HCN4: variants seen among roughly 807,000 people sequenced by gnomAD.
HCN4 encodes hyperpolarization activated cyclic nucleotide gated potassium channel 4, also known as potassium/sodium hyperpolarization-activated cyclic nucleotide-gated channel 4.
HCN4 carries 29 observed loss-of-function variants against 76.9 expected under a neutral mutation model. That is an observed-to-expected ratio of 0.38 (90% CI 0.28 to 0.51). The LOEUF (loss-of-function observed/expected upper bound fraction) is 0.51, where lower values mean the gene tolerates loss of function less well. HCN4 is among the 20% of genes least tolerant of loss of function. The pLI, the probability that HCN4 is intolerant of heterozygous loss-of-function variation, is 0.90. For missense variants in HCN4, 1,416 were observed against 1,715.2 expected, an observed-to-expected ratio of 0.83 and a Z score of 3.08; for synonymous variants, 772 against 762.5, an observed-to-expected ratio of 1.01 and a Z score of -0.21.
chr15:73,360,678 G>A (rs1313527021), intron 1 of HCN4, among the ~76,000 whole-genome samples: 1 of 152,148 alleles, frequency 6.6e-6, no homozygotes, highest in African/African-American at 2.4e-5. Context: ...GTAAGTTGGG[G>A]ATATAAAACT....
In HCN4 at chr15:73,322,831, C is replaced by A; in HGVS notation, c.3262G>T (p.Ala1088Ser). Reference protein sequence around the residue: ...RLTQDLKLISASQPALPQDGA... With the variant: ...RLTQDLKLISSSQPALPQDGA... ...TCCTGAGGCAGGGCTGGCTGAGACG[C>A]GGAGATGAGCTTGAGGTCCTGGGTG... The change falls in exon 8 of 8, where the codon GCG becomes TCG. Residue 1088 changes from alanine to serine, a missense_variant. By Grantham distance (99) the Ala-to-Ser change is moderately conservative. Around this residue, in one of 6 missense-constraint regions of HCN4, gnomAD observed 633 missense variants for 579.8 expected, o/e 1.09. Coordinates refer to ENST00000261917, the MANE Select transcript of HCN4 (RefSeq NM_005477.3). The A allele has an allele frequency of 1.3e-6, 2 of 1,522,264 alleles. No homozygotes were observed. The highest frequency in any genetic ancestry group is 1.4e-5 in the African/African-American group (1 of 73,160). The allele number at this position is 1,522,264 out of a possible 1,614,324, so 94.3% of individuals were successfully genotyped here. A position where few individuals can be genotyped will look rare whatever the true frequency, so the allele number is the denominator to read the frequency against.
At chr15:73,356,189 C>T (rs1473445170) in intron 1 of HCN4, among the ~76,000 whole-genome samples, 2 of 135,268 alleles carry the variant, frequency 1.5e-5, no homozygotes, top group African/African-American at 5.5e-5. Flanking sequence ...TTGTTTTTTG[C>T]TTTTTTTTTT....
chr15:73,367,837 G>A lies in HCN4; in HGVS notation c.434C>T (p.Pro145Leu), dbSNP rs768272301. The change falls in exon 1 of 8, where the codon CCC (proline) becomes CTC (leucine). Residue 145 changes from proline (P) to leucine (L), a missense_variant. Around this residue, in one of 6 missense-constraint regions of HCN4, gnomAD observed 355 missense variants for 347.8 expected, o/e 1.02. Transcript: ENST00000261917. This position sits in a 1 kb window ranked among gnomAD's most constrained non-coding sequence, Gnocchi z 7.5. ...CTCGGGCTCGGCCGCCAGGCCTGGG[G>A]GCGTCCTGTCCTCGCCGGGGGACGC... ...GDASPGEDRT[P>L]PGLAAEPERP... The A allele has an allele frequency of 4.0e-5, 50 of 1,260,142 alleles. No individual in the cohort carries two copies. Among genetic ancestry groups the A allele is most frequent in the Admixed American group, 1.2e-4 (3 of 24,738 alleles). 78.1% of individuals were successfully genotyped at this position (1,260,142 alleles called of 1,614,324 possible).
At position 73,323,484 on chromosome 15, in the gene HCN4, C is replaced by T. The variant is rs761259118; in HGVS notation, c.2609G>A (p.Gly870Glu). 1 of 1,604,544 alleles carries T rather than the reference C, an allele frequency of 6.2e-7. No homozygotes were observed. The highest frequency in any genetic ancestry group is 8.5e-7 in the Non-Finnish European group (1 of 1,179,740). The change falls in exon 8 of 8, where the codon GGA becomes GAA. Residue 870 changes from glycine to glutamate, a missense_variant. By Grantham distance (98) the Gly-to-Glu change is moderately conservative. Around this residue, in one of 6 missense-constraint regions of HCN4, gnomAD observed 633 missense variants for 579.8 expected, o/e 1.09. Transcript: ENST00000261917. Reference sequence around the variant, plus strand: ...GGATGAGGGCAGGAGTGGGCTCAGTCCAGCGGGGGCAGAGAATCCAGCCAG... The same window carrying T: ...GGATGAGGGCAGGAGTGGGCTCAGTTCAGCGGGGGCAGAGAATCCAGCCAG... ...QQLAGFSAPA[G>E]LSPLLPSSSS...
Position 73,322,006 on chromosome 15 carries a change from C to T in HCN4, c.*475G>A. On this transcript the variant is annotated 3_prime_UTR_variant, in exon 8 of 8. Transcript: ENST00000261917. ...AGGCCCTCAGGGCCCTGGCCCTTTT[C>T]TCCCAAGGTCGCAGGCTTCTGAGGC... 1 of 190,346 alleles carries T rather than the reference C, an allele frequency of 5.3e-6. No individual in the cohort carries two copies. Among genetic ancestry groups the T allele is most frequent in the East Asian group, 1.4e-4 (1 of 7,364 alleles). 11.8% of individuals were successfully genotyped at this position (190,346 alleles called of 1,614,324 possible).
In HCN4 at chr15:73,363,367, T is replaced by A. The variant is rs143672947; in HGVS notation, c.785+4119A>T. 2.1e-3 allele frequency among the ~76,000 whole-genome samples: 319 copies of A among 152,254 alleles called. 4 individuals are homozygous for A. In the East Asian group the frequency reaches 0.048, roughly 23 times the overall value. Reference sequence around the variant, plus strand: ...CCCAAGGGAGAACCCCTTTCCCCCCTCAGGCATCTAACTCTGAGCCCTGTT... The same window carrying A: ...CCCAAGGGAGAACCCCTTTCCCCCCACAGGCATCTAACTCTGAGCCCTGTT... On this transcript the variant is annotated intron_variant, in intron 1 of 7. Coordinates refer to ENST00000261917, the MANE Select transcript of HCN4 (RefSeq NM_005477.3).
At chr15:73,324,001 A>G in intron 7 of HCN4, 52 bp from the exon 8 acceptor site, 1 of 1,611,660 alleles carries the variant, frequency 6.2e-7, no homozygotes, top group Non-Finnish European at 8.5e-7. Flanking sequence ...GAAGGAGATC[A>G]GGTGCAGACC....
rs146751122 is a variant in HCN4, at chr15:73,322,497, A to T, written c.3596T>A (p.Leu1199Gln). The change falls in exon 8 of 8, where the codon CTG becomes CAG. Residue 1199 changes from leucine (L) to glutamine (Q), a missense_variant. This residue lies in a region of HCN4 where 633 missense variants were observed against 579.8 expected (regional missense o/e 1.09). Transcript: ENST00000261917. ...GGGCCCAGCTCATAGATTGGATGGC[A>T]GTTTGGAGCGCACTGGCTCAGGCCT... ...GARPEPVRSK[L>Q]PSNL is the part of the protein sequence containing the mutation. The T allele has an allele frequency of 3.8e-6, 6 of 1,597,138 alleles. No individual in the cohort carries two copies. The African/African-American group carries it at 8.0e-5, about 21-fold the overall frequency.
In HCN4 at chr15:73,322,472, G is replaced by A. The variant is rs1234154698; in HGVS notation, c.*9C>T. ...AAAAGAAGAAAGAAGAGGGAAGGAA[G>A]GGCCCAGCTCATAGATTGGATGGCA... On this transcript the variant is annotated 3_prime_UTR_variant, in exon 8 of 8. Transcript: ENST00000261917. The A allele has an allele frequency of 6.4e-7, 1 of 1,574,162 alleles. No individual in the cohort carries two copies.
chr15:73,336,358 G>A (rs529827026), intron 2 of HCN4, among the ~76,000 whole-genome samples: 40 of 152,224 alleles, frequency 2.6e-4, no homozygotes, highest in South Asian at 6.2e-4. Context: ...CTGTGTTGCC[G>A]CCATCACAAG....
rs1271486482 is a variant in HCN4, at chr15:73,343,128, C to T, written c.1209+257G>A. On this transcript the variant is annotated intron_variant, in intron 2 of 7. Coordinates refer to ENST00000261917, the MANE Select transcript of HCN4 (RefSeq NM_005477.3). This position sits in a 1 kb window ranked among gnomAD's most constrained non-coding sequence, Gnocchi z 5.7. The stretch of plus-strand genomic sequence containing the variant: ...AGTCACTTAATATTTCTGTCTGTTT[C>T]TTCAGGTGAAAAATGAGTATATACA... Among the ~76,000 whole-genome samples, 1 of 152,218 alleles carries T rather than the reference C, an allele frequency of 6.6e-6. No individual in the cohort carries two copies. Among genetic ancestry groups the T allele is most frequent in the Non-Finnish European group, 1.5e-5 (1 of 68,034 alleles).
chr15:73,325,585 C>A lies in HCN4; in HGVS notation c.1591-141G>T. 1 of 841,498 alleles carries A rather than the reference C, an allele frequency of 1.2e-6. No individual in the cohort carries two copies. Among genetic ancestry groups the A allele is most frequent in the Middle Eastern group, 2.2e-4 (1 of 4,470 alleles). 52.1% of individuals were successfully genotyped at this position (841,498 alleles called of 1,614,324 possible). ...AACTTGGTTCCTTGAGATCTGAGGTCTACAGTGTGGAAATGACCTCACTGT... is the reference window on the plus strand; with the variant it reads ...AACTTGGTTCCTTGAGATCTGAGGTATACAGTGTGGAAATGACCTCACTGT... On this transcript the variant is annotated intron_variant, in intron 4 of 7. Coordinates refer to ENST00000261917, the MANE Select transcript of HCN4 (RefSeq NM_005477.3). The surrounding 1 kb of genome is among the most constrained non-coding windows in gnomAD (Gnocchi z 7.4).
At position 73,325,283 on chromosome 15, in the gene HCN4, C is replaced by A; in HGVS notation, c.1737+15G>T. The stretch of plus-strand genomic sequence containing the variant: ...GGCCTGGCTCCCCTCCACGCCGGGC[C>A]GCCACACAGCTCACCTCCCGCAGGG... On this transcript the variant is annotated intron_variant, in intron 5 of 7. Transcript: ENST00000261917. The surrounding 1 kb of genome is among the most constrained non-coding windows in gnomAD (Gnocchi z 7.4). The A allele has an allele frequency of 6.2e-7, 1 of 1,614,100 alleles. No homozygotes were observed. Among genetic ancestry groups the A allele is most frequent in the Non-Finnish European group, 8.5e-7 (1 of 1,180,010 alleles).
At chr15:73,334,797 G>A (rs2151218561) in intron 2 of HCN4, among the ~76,000 whole-genome samples, 1 of 152,254 alleles carries the variant, frequency 6.6e-6, no homozygotes, top group South Asian at 2.1e-4. Flanking sequence ...AGACGCAAGG[G>A]TGGGGCCATT....
chr15:73,359,747 A>T (rs1290634902), intron 1 of HCN4, among the ~76,000 whole-genome samples: 1 of 152,144 alleles, frequency 6.6e-6, no homozygotes. Flanking sequence ...ATAAGCCCTG[A>T]TTCTGGTCAC....
At position 73,367,604 on chromosome 15, in the gene HCN4, G is replaced by A; in HGVS notation, c.667C>T (p.Gln223Ter). ...FMQRQFGAML[Q>*]PGVNKFSLRM... Reference sequence around the variant, plus strand: ...AGGGAGAATTTGTTGACCCCGGGTTGGAGCATGGCCCCGAACTGGCGCTGC... The same window carrying A: ...AGGGAGAATTTGTTGACCCCGGGTTAGAGCATGGCCCCGAACTGGCGCTGC... The change falls in exon 1 of 8, where the codon CAA becomes TAA. Residue 223 changes from glutamine (Q) to a stop codon, truncating the protein, a stop_gained. Transcript: ENST00000261917. LOFTEE classifies it high-confidence loss of function. The surrounding 1 kb of genome is among the most constrained non-coding windows in gnomAD (Gnocchi z 7.5). 6.2e-7 allele frequency: 1 copy of A among 1,613,586 alleles called. No individual in the cohort carries two copies. Among genetic ancestry groups the A allele is most frequent in the Non-Finnish European group, 8.5e-7 (1 of 1,180,004 alleles).
chr15:73,327,527 G>A (rs531541445), intron 4 of HCN4, among the ~76,000 whole-genome samples: 228 of 152,024 alleles, frequency 1.5e-3, no homozygotes, highest in African/African-American at 5.2e-3. Context: ...TCACAGGCTG[G>A]GCACTGGTGC....
chr15:73,322,521 C>T lies in HCN4; in HGVS notation c.3572G>A (p.Arg1191Lys). Reference sequence around the variant, plus strand: ...CAGTTTGGAGCGCACTGGCTCAGGCCTGGCCCCAGGTTCCCTCTGGGGTCC... The same window carrying T: ...CAGTTTGGAGCGCACTGGCTCAGGCTTGGCCCCAGGTTCCCTCTGGGGTCC... ...TAGPQREPGA[R>K]PEPVRSKLPS... Residue 1191 changes from arginine to lysine, a missense_variant, in exon 8 of 8, where the codon AGG (arginine) becomes AAG (lysine). Coordinates refer to ENST00000261917, the MANE Select transcript of HCN4 (RefSeq NM_005477.3). 1 of 1,603,632 alleles carries T rather than the reference C, an allele frequency of 6.2e-7. No homozygotes were observed. The highest frequency in any genetic ancestry group is 8.5e-7 in the Non-Finnish European group (1 of 1,175,292).
chr15:73,361,689 T>A (rs1270851791), intron 1 of HCN4, among the ~76,000 whole-genome samples: 1 of 152,196 alleles, frequency 6.6e-6, no homozygotes, highest in Non-Finnish European at 1.5e-5. Flanking sequence ...CTCAGGCTGC[T>A]ATGACACTTG....
Sources: gnomAD v4.1 joint callset for allele counts (sites outside exome capture counted in the v4.1 genomes callset) on GRCh38, gnomAD v4.1.1 for gene constraint, gnomAD v4.1.1 regional missense constraint, Gnocchi (gnomAD v3.1) non-coding constraint, MANE v1.5 for transcripts, NCBI Gene and HGNC (gene_info 2026-07-23, HGNC 2026-07-21) for gene names.